Variants in TAFA5 observed in about 807,000 individuals in gnomAD.
TAFA5 encodes the protein chemokine-like protein TAFA-5.
TAFA5 carries 6 observed loss-of-function variants against 15.3 expected under a neutral mutation model. That is an observed-to-expected ratio of 0.39 (90% CI 0.21 to 0.77). The LOEUF (loss-of-function observed/expected upper bound fraction) is 0.77. TAFA5 is among the 30% of genes least tolerant of loss of function. The pLI is 0.41. For missense variants in TAFA5, 161 were observed against 193.1 expected (o/e 0.83, Z 0.98); for synonymous variants, 103 against 80.7 (o/e 1.28, Z -1.48).
intron 1 of TAFA5, among the ~76,000 whole-genome samples, chr22:48,513,113 T>C (rs1007686917): frequency 6.6e-6 from 1 of 152,118 alleles, no homozygotes; most frequent in Non-Finnish European, 1.5e-5. Context: ...GGCCTGTTTA[T>C]GTGCAGAGGG....
At chr22:48,536,345 A>G (rs1922163005) in intron 1 of TAFA5, among the ~76,000 whole-genome samples, 1 of 152,200 alleles carries the variant, frequency 6.6e-6, no homozygotes, top group Non-Finnish European at 1.5e-5. Context: ...AAACAAGTGG[A>G]TGTCCTTTGT....
chr22:48,527,888 T>A (rs1313248331), intron 1 of TAFA5, among the ~76,000 whole-genome samples: 1 of 152,230 alleles, frequency 6.6e-6, no homozygotes, highest in Non-Finnish European at 1.5e-5. Context: ...CCGTGTTACA[T>A]GCCAGCAGCC....
chr22:48,698,120 G>C (rs1259167486), intron 2 of TAFA5, among the ~76,000 whole-genome samples: 11 of 147,524 alleles, frequency 7.5e-5, no homozygotes, highest in Non-Finnish European at 1.0e-4. Flanking sequence ...GGTGATGATA[G>C]CGATGGTGGT....
Position 48,725,244 on chromosome 22 carries a change from C to T in TAFA5, c.390+17400C>T, listed in dbSNP as rs139621278. On this transcript the variant is annotated intron_variant, in intron 3 of 3. Coordinates refer to ENST00000402357, the MANE Select transcript of TAFA5 (RefSeq NM_001082967.3). Reference sequence around the variant, plus strand: ...GCGAGACTGGAGACGAGCTCCCCGCCATGCCCCATGGCTCATTCTAGACCA... The same window carrying T: ...GCGAGACTGGAGACGAGCTCCCCGCTATGCCCCATGGCTCATTCTAGACCA... Among the ~76,000 whole-genome samples, 11 of 152,352 alleles carry T rather than the reference C, an allele frequency of 7.2e-5. No individual in the cohort carries two copies. In the East Asian group the frequency reaches 2.1e-3, roughly 29 times the overall value.
At chr22:48,579,130 C>T (rs115147989) in intron 1 of TAFA5, among the ~76,000 whole-genome samples, 18,381 of 104,872 alleles carry the variant, frequency 0.18, 1,172 homozygotes, top group Middle Eastern at 0.22. Context: ...GCTAATCCGT[C>T]CCCCCCTGGC....
chr22:48,739,124 A>G (rs970014600), intron 3 of TAFA5, among the ~76,000 whole-genome samples: 13 of 152,226 alleles, frequency 8.5e-5, no homozygotes, highest in Non-Finnish European at 1.8e-4. Flanking sequence ...AGCACTGCTG[A>G]GAACCCTCCC....
chr22:48,608,429 G>GA (rs1925278760), intron 1 of TAFA5, among the ~76,000 whole-genome samples: 1 of 149,548 alleles, frequency 6.7e-6, no homozygotes, highest in South Asian at 2.1e-4. Flanking sequence ...GATACTGTTG[G>GA]TTTTTTTTTT....
At chr22:48,650,385 A>T (rs953092741) in intron 2 of TAFA5, among the ~76,000 whole-genome samples, 1 of 152,202 alleles carries the variant, frequency 6.6e-6, no homozygotes, top group Non-Finnish European at 1.5e-5. Context: ...TGCATGGGGA[A>T]GTCAACTCAA....
chr22:48,576,673 C>G, intron 1 of TAFA5: 1 of 1,208,888 alleles, frequency 8.3e-7, no homozygotes. Context: ...TGCCGCCGCG[C>G]TCGGCTGAGG....
At chr22:48,630,996 C>T (rs1165558284) in intron 1 of TAFA5, among the ~76,000 whole-genome samples, 1 of 152,190 alleles carries the variant, frequency 6.6e-6, no homozygotes, top group Non-Finnish European at 1.5e-5. Context: ...GTCCTGCAGC[C>T]AGGGGCCGGC....
chr22:48,580,083 C>G (rs970420840), intron 1 of TAFA5, among the ~76,000 whole-genome samples: 6 of 152,146 alleles, frequency 3.9e-5, no homozygotes, highest in African/African-American at 1.2e-4. Context: ...ACCCGGGCCT[C>G]GATTCCAGAA....
At chr22:48,707,079 A>T (rs1929101109) in intron 2 of TAFA5, among the ~76,000 whole-genome samples, 1 of 152,084 alleles carries the variant, frequency 6.6e-6, no homozygotes, top group Non-Finnish European at 1.5e-5. Context: ...AAGGGCCATC[A>T]CAAGGACTCA....
At chr22:48,496,926 G>A (rs1463666267) in intron 1 of TAFA5, among the ~76,000 whole-genome samples, 2 of 152,212 alleles carry the variant, frequency 1.3e-5, no homozygotes, top group African/African-American at 4.8e-5. Context: ...ACAGGCTGCT[G>A]TGCTTGCATT....
At position 48,583,215 on chromosome 22, in the gene TAFA5, C is replaced by T. The variant is rs751514210; in HGVS notation, c.113-63382C>T. ...AAACACAAAATATACACATACCACACACCACATACAAAATACACCACACAC... is the reference window on the plus strand; with the variant it reads ...AAACACAAAATATACACATACCACATACCACATACAAAATACACCACACAC... On this transcript the variant is annotated intron_variant, in intron 1 of 3. Coordinates refer to ENST00000402357, the MANE Select transcript of TAFA5 (RefSeq NM_001082967.3). Among the ~76,000 whole-genome samples, 4 of 148,562 alleles carry T rather than the reference C, an allele frequency of 2.7e-5. No individual in the cohort carries two copies. In the South Asian group the frequency reaches 6.5e-4, roughly 24 times the overall value.
chr22:48,590,439 G>A (rs1247523238), intron 1 of TAFA5, among the ~76,000 whole-genome samples: 4 of 152,196 alleles, frequency 2.6e-5, no homozygotes, highest in Admixed American at 2.0e-4. Context: ...TTCCATTCAC[G>A]GGCTGATGGG....
chr22:48,514,031 G>A (rs770724759), intron 1 of TAFA5, among the ~76,000 whole-genome samples: 22 of 152,072 alleles, frequency 1.4e-4, no homozygotes, highest in Non-Finnish European at 2.9e-4. Flanking sequence ...GGTCTCTCGG[G>A]GGTGTAGACT....
At chr22:48,559,910 C>T (rs1569025641) in intron 1 of TAFA5, among the ~76,000 whole-genome samples, 1 of 152,146 alleles carries the variant, frequency 6.6e-6, no homozygotes, top group African/African-American at 2.4e-5. Context: ...TGAATCTTTG[C>T]GGGGGCCGTG....
intron 1 of TAFA5, among the ~76,000 whole-genome samples, chr22:48,505,376 G>A (rs113790527): frequency 0.022 from 3,355 of 152,298 alleles, 121 homozygotes; most frequent in African/African-American, 0.076. Flanking sequence ...CTGGGTGCAG[G>A]TAGGTATCTG....
intron 1 of TAFA5, among the ~76,000 whole-genome samples, chr22:48,601,323 T>A (rs1364151904): frequency 6.6e-6 from 1 of 152,090 alleles, no homozygotes; most frequent in Non-Finnish European, 1.5e-5. Flanking sequence ...ATATCTTTTT[T>A]TTTATTTTTT....
Sources: gnomAD v4.1 joint callset for allele counts (sites outside exome capture counted in the v4.1 genomes callset) on GRCh38, gnomAD v4.1.1 for gene constraint, MANE v1.5 for transcripts, NCBI Gene and HGNC (gene_info 2026-07-23, HGNC 2026-07-21) for gene names.